Variants in BOLL observed in about 807,000 individuals in gnomAD.
The protein encoded by BOLL is boule RNA binding protein.
Under a neutral mutation model 44.4 loss-of-function variants are expected in BOLL, and 23 were observed. The ratio of observed to expected loss-of-function variants is 0.52; its 90% CI spans 0.37 to 0.73. The LOEUF is 0.73. BOLL is among the 30% of genes least tolerant of loss of function. BOLL has a pLI of 0.00. For synonymous variants in BOLL, 97 were observed against 110.8 expected, an observed-to-expected ratio of 0.88 and a Z score of 0.78; for missense variants, 287 against 338.3, an observed-to-expected ratio of 0.85 and a Z score of 1.19.
intron 10 of BOLL, among the ~76,000 whole-genome samples, chr2:197,736,807 C>T (rs1444598665): frequency 6.6e-6 from 1 of 152,042 alleles, no homozygotes; most frequent in Non-Finnish European, 1.5e-5. Context: ...TCTGCACATT[C>T]TTTCTGTTCC....
chr2:197,779,288 T>A (rs1313102133), intron 2 of BOLL, among the ~76,000 whole-genome samples: 1 of 152,030 alleles, frequency 6.6e-6, no homozygotes, highest in Non-Finnish European at 1.5e-5. Context: ...AATAAAAATG[T>A]AAGCTGAATT....
At chr2:197,741,200 C>T (rs1687714886) in intron 10 of BOLL, among the ~76,000 whole-genome samples, 1 of 152,076 alleles carries the variant, frequency 6.6e-6, no homozygotes, top group Non-Finnish European at 1.5e-5. Flanking sequence ...CCTTCACATC[C>T]CTCGTAAGTT....
chr2:197,748,036 A>C (rs1688064700), intron 9 of BOLL, among the ~76,000 whole-genome samples: 1 of 152,170 alleles, frequency 6.6e-6, no homozygotes, highest in African/African-American at 2.4e-5. Flanking sequence ...CTGCATTTCC[A>C]ACTGAGGTAC....
intron 2 of BOLL, among the ~76,000 whole-genome samples, chr2:197,779,432 C>T (rs1418299699): frequency 6.6e-6 from 1 of 151,926 alleles, no homozygotes; most frequent in Non-Finnish European, 1.5e-5. Flanking sequence ...TATTTTGGCT[C>T]TTGTGGCTCA....
intron 3 of BOLL, among the ~76,000 whole-genome samples, chr2:197,777,713 C>T (rs570847884): frequency 6.6e-6 from 1 of 151,768 alleles, no homozygotes; most frequent in East Asian, 1.9e-4. Flanking sequence ...GATACAAATA[C>T]ACATAAATGA....
At chr2:197,766,482 A>G in intron 7 of BOLL, 50 bp downstream of exon 7, 1 of 1,421,822 alleles carries the variant, frequency 7.0e-7, no homozygotes, top group Non-Finnish European at 9.9e-7. Context: ...AAGTTAGCTA[A>G]GAAAGGACTG....
At chr2:197,735,341 T>G (rs1289245649) in intron 10 of BOLL, among the ~76,000 whole-genome samples, 1 of 152,146 alleles carries the variant, frequency 6.6e-6, no homozygotes, top group Non-Finnish European at 1.5e-5. Context: ...TTATTGATAA[T>G]TTCCTCCAAT....
intron 9 of BOLL, among the ~76,000 whole-genome samples, chr2:197,745,444 TATAAG>T (rs1269919110): frequency 6.6e-6 from 1 of 152,090 alleles, no homozygotes. Flanking sequence ...AAGTACAAGT[TATAAG>T]ATAATGATGG....
chr2:197,785,491 C>T (rs983284433), upstream of BOLL: 20 of 684,988 alleles, frequency 2.9e-5, no homozygotes, highest in African/African-American at 3.3e-4. This position sits in a 1 kb window ranked among gnomAD's most constrained non-coding sequence, Gnocchi z 6.7. Context: ...GTCCGGGTCC[C>T]GCCTGGGCCA....
intron 10 of BOLL, among the ~76,000 whole-genome samples, chr2:197,740,642 T>TAA (rs1456966963): frequency 6.6e-6 from 1 of 152,092 alleles, no homozygotes; most frequent in Non-Finnish European, 1.5e-5. Flanking sequence ...ACATAGATAA[T>TAA]AAAAATCAGA....
At chr2:197,760,191 G>A (rs1688690962) in intron 7 of BOLL, among the ~76,000 whole-genome samples, 1 of 152,118 alleles carries the variant, frequency 6.6e-6, no homozygotes, top group South Asian at 2.1e-4. Context: ...TTCCAGGCCG[G>A]GTGATCCACC....
At chr2:197,783,425 T>C (rs1219392249) in intron 1 of BOLL, among the ~76,000 whole-genome samples, 1 of 152,236 alleles carries the variant, frequency 6.6e-6, no homozygotes, top group East Asian at 1.9e-4. Flanking sequence ...CTTTCTTCTC[T>C]GGCCAATACA....
chr2:197,742,932 C>G (rs1401390597), intron 10 of BOLL, 129 bp downstream of exon 10: 5 of 497,930 alleles, frequency 1.0e-5, no homozygotes, highest in African/African-American at 1.0e-4. Context: ...CATGAGTTTG[C>G]TAATTCTGTA....
At chr2:197,746,607 T>G (rs1448888063) in intron 9 of BOLL, among the ~76,000 whole-genome samples, 1 of 152,080 alleles carries the variant, frequency 6.6e-6, no homozygotes, top group Non-Finnish European at 1.5e-5. Context: ...GTCGAACTCA[T>G]AGAAGCAGAG....
intron 9 of BOLL, among the ~76,000 whole-genome samples, chr2:197,749,911 A>G (rs1435792243): frequency 2.0e-5 from 3 of 151,538 alleles, no homozygotes; most frequent in Admixed American, 6.6e-5. Flanking sequence ...CCTTGAGAAG[A>G]GTTTGGTGGG....
At chr2:197,745,403 A>G (rs912211579) in intron 9 of BOLL, among the ~76,000 whole-genome samples, 5 of 152,184 alleles carry the variant, frequency 3.3e-5, no homozygotes, top group Non-Finnish European at 7.3e-5. Flanking sequence ...AAACAAAAAC[A>G]TGCAAATATT....
At chr2:197,772,595 T>G (rs1314638163) in intron 5 of BOLL, among the ~76,000 whole-genome samples, 2 of 151,992 alleles carry the variant, frequency 1.3e-5, no homozygotes, top group Admixed American at 1.3e-4. Flanking sequence ...CTACAACTGC[T>G]GCTGTTGCAA....
At chr2:197,764,002 C>A (rs1688878000) in intron 7 of BOLL, among the ~76,000 whole-genome samples, 1 of 152,136 alleles carries the variant, frequency 6.6e-6, no homozygotes, top group Non-Finnish European at 1.5e-5. Context: ...ATTATCTACC[C>A]CAGTTAGGAT....
intron 7 of BOLL, 44 bp downstream of exon 7, chr2:197,766,488 G>C: frequency 6.9e-7 from 1 of 1,444,380 alleles, no homozygotes; most frequent in Non-Finnish European, 9.7e-7. Flanking sequence ...GCTAAGAAAG[G>C]ACTGAAAGTT....
Sources: gnomAD v4.1 joint callset for allele counts (sites outside exome capture counted in the v4.1 genomes callset) on GRCh38, gnomAD v4.1.1 for gene constraint, Gnocchi (gnomAD v3.1) non-coding constraint, MANE v1.5 for transcripts, NCBI Gene and HGNC (gene_info 2026-07-23, HGNC 2026-07-21) for gene names.